Variants in SMURF1 observed in about 807,000 individuals in gnomAD.
SMURF1 encodes E3 ubiquitin-protein ligase SMURF1.
In SMURF1, 44 loss-of-function variants were observed where a neutral mutation model predicts 98.0. That is an observed-to-expected ratio of 0.45 (90% CI 0.35 to 0.58). The LOEUF (loss-of-function observed/expected upper bound fraction) is 0.58, where lower values mean the gene tolerates loss of function less well. SMURF1 is among the 20% of genes least tolerant of loss of function. The probability of loss-of-function intolerance (pLI) is 0.00; values close to 1 mark genes in which losing one functional copy is unlikely to be tolerated. For synonymous variants in SMURF1, 396 were observed against 374.9 expected (o/e 1.06, Z -0.65); for missense variants, 687 against 938.4 (o/e 0.73, Z 3.50).
At chr7:99,129,466 A>G (rs1797818574) in intron 1 of SMURF1, among the ~76,000 whole-genome samples, 1 of 152,194 alleles carries the variant, frequency 6.6e-6, no homozygotes, top group African/African-American at 2.4e-5. Context: ...ATCACAGCTC[A>G]TTGTAGCCTC....
chr7:99,144,016 GCCGCCGCCGCCT>G lies in SMURF1; in HGVS notation c.-248_-237del, dbSNP rs753998453. On this transcript the variant is annotated 5_prime_UTR_variant, in exon 1 of 18. Coordinates refer to ENST00000361368, the MANE Select transcript of SMURF1 (RefSeq NM_181349.3). ...TGCTTCCAGCCGAGCCCAGTCCCGA[GCCGCCGCCGCCT>G]CCGCCGCCGCCTCCGCCGCCTCCAC... The G allele has an allele frequency of 0.22, 59,916 of 274,460 alleles. 7,792 individuals carry two copies. The highest frequency in any genetic ancestry group is 0.37 in the South Asian group (3,093 of 8,372). The allele number at this position is 274,460 out of a possible 1,614,324, so 17.0% of individuals were successfully genotyped here.
intron 11 of SMURF1, 130 bp from the exon 12 acceptor site, chr7:99,042,362 C>T (rs1419444553): frequency 3.4e-6 from 2 of 596,384 alleles, no homozygotes; most frequent in East Asian, 3.0e-5. Flanking sequence ...TCACTGCAAC[C>T]TCTGCCTTCC....
intron 1 of SMURF1, among the ~76,000 whole-genome samples, chr7:99,135,078 T>C (rs1386330245): frequency 1.3e-5 from 2 of 152,198 alleles, no homozygotes; most frequent in East Asian, 3.8e-4. Flanking sequence ...AGTATGTACT[T>C]TGAAATGCTA....
At chr7:99,032,390 C>T (rs202095673) in intron 17 of SMURF1, among the ~76,000 whole-genome samples, 61 of 152,292 alleles carry the variant, frequency 4.0e-4, no homozygotes, top group East Asian at 2.5e-3. Flanking sequence ...AACATGAGGC[C>T]GGGCTTGGTG....
chr7:99,051,264 GT>G (rs1236795538), intron 8 of SMURF1, 92 bp downstream of exon 8: 1 of 1,081,746 alleles, frequency 9.2e-7, no homozygotes, highest in Non-Finnish European at 1.4e-6. Context: ...ACTATTTTTA[GT>G]TTAAAACAAG....
intron 1 of SMURF1, among the ~76,000 whole-genome samples, chr7:99,121,606 G>C (rs1584202561): frequency 6.6e-6 from 1 of 152,174 alleles, no homozygotes; most frequent in East Asian, 1.9e-4. Context: ...AGCTTAGTTT[G>C]GAAGTAAAGC....
intron 1 of SMURF1, among the ~76,000 whole-genome samples, chr7:99,102,941 C>T (rs1430737981): frequency 1.3e-5 from 2 of 151,586 alleles, no homozygotes; most frequent in Non-Finnish European, 2.9e-5. Context: ...GTAGCTGAGA[C>T]CACAGGTGCG....
chr7:99,045,833 G>A (rs770143407), intron 10 of SMURF1, 32 bp from the exon 11 acceptor site: 1 of 1,509,882 alleles, frequency 6.6e-7, no homozygotes, highest in South Asian at 1.1e-5. Flanking sequence ...TCAGAGAGAA[G>A]AACATTCTTA....
intron 1 of SMURF1, among the ~76,000 whole-genome samples, chr7:99,071,219 C>T (rs1381268293): frequency 6.6e-6 from 1 of 152,024 alleles, no homozygotes; most frequent in Non-Finnish European, 1.5e-5. Flanking sequence ...GCCACCATGC[C>T]CGGCTAATTT....
intron 1 of SMURF1, among the ~76,000 whole-genome samples, chr7:99,107,644 C>T (rs865794893): frequency 6.6e-6 from 1 of 152,220 alleles, no homozygotes; most frequent in South Asian, 2.1e-4. Context: ...TCACTGCAAA[C>T]GATCTTTCTG....
At chr7:99,066,576 G>C (rs572521535) in intron 1 of SMURF1, among the ~76,000 whole-genome samples, 1 of 151,906 alleles carries the variant, frequency 6.6e-6, no homozygotes, top group Non-Finnish European at 1.5e-5. Context: ...TCAGGAGTTC[G>C]AGACCAGCCT....
chr7:99,040,330 G>A (rs755278369), intron 13 of SMURF1, 48 bp downstream of exon 13: 59 of 1,417,282 alleles, frequency 4.2e-5, no homozygotes, highest in South Asian at 1.8e-4. Context: ...TACGATAGAC[G>A]TGGTGGTGGG....
rs780311546 is a variant in SMURF1 at position 99,037,079 on chromosome 7, C to T, written c.1797G>A (p.Gln599=). 3 of 1,613,998 alleles carry T rather than the reference C, an allele frequency of 1.9e-6. No individual in the cohort carries two copies. The Admixed American group carries it at 5.0e-5, about 27-fold the overall frequency. Residue 599 remains glutamine (Q), a synonymous_variant, in exon 15 of 18, where the codon CAG becomes CAA. Coordinates refer to ENST00000361368, the MANE Select transcript of SMURF1 (RefSeq NM_181349.3). ...IPQHLLKPFD[Q]KELELIIGGL... Reference sequence around the variant, plus strand: ...AGCAGGCACATACCTCCAGTTCCTTCTGGTCAAAAGGCTTCAGCAGATGTT... The same window carrying T: ...AGCAGGCACATACCTCCAGTTCCTTTTGGTCAAAAGGCTTCAGCAGATGTT...
intron 3 of SMURF1, among the ~76,000 whole-genome samples, chr7:99,059,322 C>T (rs1399826336): frequency 6.9e-5 from 10 of 145,892 alleles, no homozygotes; most frequent in Non-Finnish European, 1.2e-4. Flanking sequence ...GGCGTGAACC[C>T]GGGAGGCGGA....
chr7:99,049,307 C>G, intron 9 of SMURF1: 1 of 436,240 alleles, frequency 2.3e-6, no homozygotes, highest in East Asian at 4.7e-5. Flanking sequence ...CGTGCAGCCG[C>G]CTAATACTGC....
intron 1 of SMURF1, among the ~76,000 whole-genome samples, chr7:99,090,223 T>G (rs527560271): frequency 1.3e-5 from 2 of 152,294 alleles, no homozygotes; most frequent in East Asian, 3.9e-4. Context: ...TCCGGGGCAC[T>G]GGGTGCAAAA....
chr7:99,098,360 TTATGAACA>T (rs926471586), intron 1 of SMURF1, among the ~76,000 whole-genome samples: 15 of 151,424 alleles, frequency 9.9e-5, no homozygotes, highest in African/African-American at 3.7e-4. Flanking sequence ...GGACCTCTGT[TTATGAACA>T]TGTTAACTGG....
Position 99,070,228 on chromosome 7 carries a change from G to C in SMURF1, c.56-8391C>G, listed in dbSNP as rs187855511. 5.3e-4 allele frequency among the ~76,000 whole-genome samples: 80 copies of C among 152,322 alleles called. 1 individual carries two copies. Among genetic ancestry groups the C allele is most frequent in the African/African-American group, 1.8e-3 (76 of 41,570 alleles). On this transcript the variant is annotated intron_variant, in intron 1 of 17. Transcript: ENST00000361368. ...TCTGTGAGACACAACTGAGCCCCAA[G>C]GACGAGGTGGGGATGTGCCACCTGC...
intron 9 of SMURF1, 59 bp from the exon 10 acceptor site, chr7:99,047,941 A>T: frequency 1.3e-6 from 2 of 1,524,270 alleles, no homozygotes; most frequent in Non-Finnish European, 9.0e-7. Context: ...AGCTGCAAGC[A>T]CCCACGTACG....
Sources: gnomAD v4.1 joint callset for allele counts (sites outside exome capture counted in the v4.1 genomes callset) on GRCh38, gnomAD v4.1.1 for gene constraint, MANE v1.5 for transcripts, NCBI Gene and HGNC (gene_info 2026-07-23, HGNC 2026-07-21) for gene names.